Variants in GCNT1 observed in about 807,000 individuals in gnomAD.
GCNT1 encodes beta-1,3-galactosyl-O-glycosyl-glycoprotein beta-1,6-N-acetylglucosaminyltransferase.
GCNT1 carries 16 observed loss-of-function variants against 26.2 expected under a neutral mutation model. The observed-to-expected ratio is 0.61, with a 90% CI of 0.41 to 0.93. GCNT1 has a LOEUF of 0.93. Among genes scored for constraint, GCNT1 ranks in the 40% least tolerant of loss-of-function variants. The pLI is 0.00. For missense variants in GCNT1, 477 were observed against 526.7 expected, an observed-to-expected ratio of 0.91 and a Z score of 0.92; for synonymous variants, 183 against 190.8, an observed-to-expected ratio of 0.96 and a Z score of 0.34.
At chr9:76,475,920 C>A (rs1564237320) in intron 2 of GCNT1, among the ~76,000 whole-genome samples, 1 of 152,174 alleles carries the variant, frequency 6.6e-6, no homozygotes, top group Non-Finnish European at 1.5e-5. Context: ...TGACTTCACA[C>A]TTCTGTTTTG....
intron 2 of GCNT1, among the ~76,000 whole-genome samples, chr9:76,471,433 GCT>G (rs1373277468): frequency 5.9e-5 from 9 of 152,140 alleles, no homozygotes; most frequent in African/African-American, 1.9e-4. Flanking sequence ...CCAGGAATGT[GCT>G]CCTGCCTGGG....
At chr9:76,430,874 T>C (rs1195106076) in intron 1 of GCNT1, among the ~76,000 whole-genome samples, 2 of 151,998 alleles carry the variant, frequency 1.3e-5, no homozygotes, top group Non-Finnish European at 2.9e-5. Flanking sequence ...TTAGTACAGA[T>C]AGGGTTTCAC....
At chr9:76,431,160 G>C (rs115298006) in intron 1 of GCNT1, among the ~76,000 whole-genome samples, 3 of 152,096 alleles carry the variant, frequency 2.0e-5, no homozygotes. Flanking sequence ...ATGTTAAAAC[G>C]TCCTGGCAAA....
At chr9:76,424,826 G>A (rs1446183022) in intron 1 of GCNT1, among the ~76,000 whole-genome samples, 3 of 152,060 alleles carry the variant, frequency 2.0e-5, no homozygotes, top group Non-Finnish European at 4.4e-5. Flanking sequence ...AAATGTACTT[G>A]GTCTAGAACT....
In GCNT1 at chr9:76,424,911, A is replaced by G. The variant is rs192423107; in HGVS notation, n.38+5024A>G. ...TCCCAGCACTTTGGGAGGCCAAGGC[A>G]GGTGGATCATGATGTCAGGAGATTG... is the stretch of plus-strand genomic sequence containing the variant. On this transcript the variant is annotated intron_variant and non_coding_transcript_variant, in intron 1 of 3. Coordinates refer to the GCNT1 transcript ENST00000488136. 2.6e-3 allele frequency among the ~76,000 whole-genome samples: 399 copies of G among 152,210 alleles called. 1 individual carries two copies. The highest frequency in any genetic ancestry group is 9.3e-3 in the African/African-American group (385 of 41,558).
At position 76,505,892 on chromosome 9, in the gene GCNT1, C is replaced by A. The variant is rs1339731736; in HGVS notation, c.*2224C>A. 6.0e-6 allele frequency: 1 copy of A among 166,040 alleles called. No homozygotes were observed. Among genetic ancestry groups the A allele is most frequent in the Non-Finnish European group, 1.5e-5 (1 of 68,116 alleles). The allele number at this position is 166,040 out of a possible 1,614,324, so 10.3% of individuals were successfully genotyped here. On this transcript the variant is annotated 3_prime_UTR_variant, in exon 4 of 4. Transcript: ENST00000376730. ...TTTTAGAGTCTATTTCCCCAAGCGC[C>A]ACATTATAACTGTAAACTTACCATC...
chr9:76,448,693 CAGATACAT>C, intron 1 of GCNT1, among the ~76,000 whole-genome samples: 2 of 152,218 alleles, frequency 1.3e-5, no homozygotes, highest in Non-Finnish European at 2.9e-5. Flanking sequence ...TCCAGAATTT[CAGATACAT>C]AAACATGAAT....
At chr9:76,479,112 G>GT (rs1212416961) in intron 2 of GCNT1, among the ~76,000 whole-genome samples, 3 of 152,000 alleles carry the variant, frequency 2.0e-5, no homozygotes, top group Non-Finnish European at 4.4e-5. Context: ...GCGATGTTTG[G>GT]TTTTTTGTCC....
intron 2 of GCNT1, among the ~76,000 whole-genome samples, chr9:76,469,487 G>T (rs1252023242): frequency 6.6e-6 from 1 of 152,164 alleles, no homozygotes; most frequent in Non-Finnish European, 1.5e-5. Context: ...GCCAGCAACG[G>T]CTACCCTCTT....
upstream of GCNT1, among the ~76,000 whole-genome samples, chr9:76,457,917 C>T (rs114458272): frequency 0.024 from 3,625 of 152,138 alleles, 133 homozygotes; most frequent in African/African-American, 0.083. Context: ...GATACACAAG[C>T]TCCTAAAATC....
rs1415246664 is a variant in GCNT1 at position 76,502,718 on chromosome 9, C to A, written c.337C>A (p.Pro113Thr). The part of the protein sequence containing the change: ...FIKRRKYIVE[P>T]LSKEEAEFPI... ...CAAGAGACGCAAATATATTGTAGAA[C>A]CCCTTAGTAAAGAAGAGGCGGAGTT... The change falls in exon 4 of 4, where the codon CCC becomes ACC. Residue 113 changes from proline (P) to threonine (T), a missense_variant. Physicochemically the swap from Pro to Thr is conservative, Grantham distance 38. Coordinates refer to ENST00000376730, the MANE Select transcript of GCNT1 (RefSeq NM_001490.5). 2 of 1,613,886 alleles carry A rather than the reference C, an allele frequency of 1.2e-6. No homozygotes were observed. The highest frequency in any genetic ancestry group is 2.2e-5 in the South Asian group (2 of 91,068).
chr9:76,396,483 G>A, the GCNT1 span, among the ~76,000 whole-genome samples: 4 of 149,896 alleles, frequency 2.7e-5, no homozygotes, highest in African/African-American at 4.9e-5. Context: ...GAAAAGAAAA[G>A]AAACAAGAAA....
intron 2 of GCNT1, among the ~76,000 whole-genome samples, chr9:76,483,672 C>G (rs1393516603): frequency 6.6e-6 from 1 of 152,148 alleles, no homozygotes; most frequent in East Asian, 1.9e-4. Flanking sequence ...ATCTTCCAAC[C>G]TCAGCCTCCC....
chr9:76,413,824 C>T, the GCNT1 span, among the ~76,000 whole-genome samples: 1 of 151,900 alleles, frequency 6.6e-6, no homozygotes, highest in Non-Finnish European at 1.5e-5. Context: ...TTCTGGAATT[C>T]CCATAACATG....
At chr9:76,481,680 A>C (rs1824426255) in intron 2 of GCNT1, among the ~76,000 whole-genome samples, 4 of 152,184 alleles carry the variant, frequency 2.6e-5, no homozygotes, top group Admixed American at 2.6e-4. Context: ...AAAAAAGAAG[A>C]TATTTCCACA....
the GCNT1 span, among the ~76,000 whole-genome samples, chr9:76,400,121 C>A: frequency 9.9e-5 from 15 of 152,090 alleles, no homozygotes; most frequent in African/African-American, 3.4e-4. Context: ...ATTTTTAGGG[C>A]AGTGAAACTA....
At chr9:76,472,207 C>T (rs184354691) in intron 2 of GCNT1, among the ~76,000 whole-genome samples, 13 of 152,252 alleles carry the variant, frequency 8.5e-5, no homozygotes, top group Non-Finnish European at 1.2e-4. Flanking sequence ...AACCCGAACC[C>T]GGGAGGCGGA....
At chr9:76,406,288 A>T in the GCNT1 span, among the ~76,000 whole-genome samples, 9 of 152,128 alleles carry the variant, frequency 5.9e-5, no homozygotes, top group Admixed American at 2.6e-4. Context: ...CGAGCCCAGG[A>T]GTTCAAGACA....
chr9:76,438,738 T>C (rs145758957), upstream of GCNT1, among the ~76,000 whole-genome samples: 1,226 of 148,678 alleles, frequency 8.2e-3, 16 homozygotes, highest in African/African-American at 0.028. Flanking sequence ...CTGGGCCACA[T>C]TGGAAGAAGA....
Sources: gnomAD v4.1 joint callset for allele counts (sites outside exome capture counted in the v4.1 genomes callset) on GRCh38, gnomAD v4.1.1 for gene constraint, MANE v1.5 for transcripts, NCBI Gene and HGNC (gene_info 2026-07-23, HGNC 2026-07-21) for gene names.